Variants in TASP1 observed in about 807,000 individuals in gnomAD.
TASP1 encodes threonine aspartase 1.
A neutral mutation model predicts 56.6 loss-of-function variants in TASP1; 16 were observed. The observed-to-expected ratio is 0.28, with a 90% CI of 0.19 to 0.43. The LOEUF (loss-of-function observed/expected upper bound fraction) is 0.43. TASP1 is among the 20% of genes least tolerant of loss of function. The probability of loss-of-function intolerance (pLI) is 1.00; values close to 1 mark genes in which losing one functional copy is unlikely to be tolerated. For missense variants in TASP1, 393 were observed against 511.6 expected (o/e 0.77, Z 2.24); for synonymous variants, 179 against 184.2 (o/e 0.97, Z 0.23).
chr20:13,197,304 G>C, the TASP1 span, among the ~76,000 whole-genome samples: 2 of 152,156 alleles, frequency 1.3e-5, no homozygotes, highest in African/African-American at 4.8e-5. Context: ...CTGGTTATTA[G>C]GAAACTAATG....
At chr20:13,536,461 T>A (rs902004786) in intron 8 of TASP1, among the ~76,000 whole-genome samples, 2 of 152,236 alleles carry the variant, frequency 1.3e-5, no homozygotes, top group African/African-American at 4.8e-5. Flanking sequence ...ATCTATATTT[T>A]AAAATACTGA....
chr20:13,493,244 T>G (rs1431168463), intron 10 of TASP1, among the ~76,000 whole-genome samples: 7 of 152,140 alleles, frequency 4.6e-5, no homozygotes, highest in Non-Finnish European at 1.0e-4. Flanking sequence ...AGTGTGTAAT[T>G]GACAAAGCTT....
the TASP1 span, among the ~76,000 whole-genome samples, chr20:13,180,524 A>G: frequency 6.6e-6 from 1 of 152,162 alleles, no homozygotes; most frequent in East Asian, 1.9e-4. Flanking sequence ...GTCTCCTCTA[A>G]GTTCTCCCAA....
At chr20:13,611,270 C>T (rs1167924545) in intron 4 of TASP1, among the ~76,000 whole-genome samples, 1 of 152,150 alleles carries the variant, frequency 6.6e-6, no homozygotes, top group Admixed American at 6.5e-5. Flanking sequence ...ACTTTCAGTA[C>T]GTTCCTTCAT....
chr20:13,248,041 T>C, the TASP1 span, among the ~76,000 whole-genome samples: 3 of 152,164 alleles, frequency 2.0e-5, no homozygotes, highest in Admixed American at 2.0e-4. Context: ...GCAAACCTGA[T>C]TTTCCAAGTT....
At chr20:13,597,513 G>A (rs2047783266) in intron 4 of TASP1, among the ~76,000 whole-genome samples, 1 of 152,088 alleles carries the variant, frequency 6.6e-6, no homozygotes, top group Non-Finnish European at 1.5e-5. Flanking sequence ...AATAAACTAG[G>A]TACTGATGGA....
intron 6 of TASP1, among the ~76,000 whole-genome samples, chr20:13,570,339 T>C (rs1043970445): frequency 6.6e-6 from 1 of 152,136 alleles, no homozygotes; most frequent in Non-Finnish European, 1.5e-5. Context: ...TCTTCTTCCA[T>C]AGCCAACTTC....
intron 10 of TASP1, among the ~76,000 whole-genome samples, chr20:13,525,551 C>G (rs1295648346): frequency 6.6e-6 from 1 of 152,124 alleles, no homozygotes; most frequent in African/African-American, 2.4e-5. Flanking sequence ...CTATCCTAAC[C>G]ATAACTAACT....
intron 13 of TASP1, among the ~76,000 whole-genome samples, chr20:13,397,857 C>T (rs2041598723): frequency 1.3e-5 from 2 of 152,094 alleles, no homozygotes; most frequent in African/African-American, 4.8e-5. Flanking sequence ...CGGAGTTTTA[C>T]TACTGAGGGT....
chr20:13,514,055 C>T (rs1412404415), intron 10 of TASP1, among the ~76,000 whole-genome samples: 1 of 152,080 alleles, frequency 6.6e-6, no homozygotes, highest in Non-Finnish European at 1.5e-5. Context: ...CAAGAAAGAA[C>T]TCAGGTGAAA....
intron 11 of TASP1, among the ~76,000 whole-genome samples, chr20:13,445,785 AG>A (rs980379087): frequency 2.0e-5 from 3 of 152,190 alleles, no homozygotes; most frequent in African/African-American, 7.2e-5. Flanking sequence ...AAAGTAGAAG[AG>A]GGCAAAATAA....
the TASP1 span, among the ~76,000 whole-genome samples, chr20:13,188,279 T>A: frequency 9.9e-5 from 15 of 152,274 alleles, no homozygotes; most frequent in Admixed American, 9.8e-4. Context: ...GATGGCATGA[T>A]CTTATATTTA....
chr20:13,453,510 G>T (rs6033713), intron 11 of TASP1, among the ~76,000 whole-genome samples: 2,562 of 152,124 alleles, frequency 0.017, 72 homozygotes, highest in African/African-American at 0.056. Context: ...TGGAAGACTC[G>T]CATTGTAAAC....
the TASP1 span, among the ~76,000 whole-genome samples, chr20:13,106,261 C>G: frequency 8.4e-4 from 128 of 152,210 alleles, no homozygotes; most frequent in African/African-American, 2.9e-3. Context: ...AACATTGATG[C>G]AATTATTAGG....
chr20:13,377,135 G>A, the TASP1 span, among the ~76,000 whole-genome samples: 1 of 152,178 alleles, frequency 6.6e-6, no homozygotes, highest in Non-Finnish European at 1.5e-5. Flanking sequence ...GTGAGAGCGG[G>A]CATGCTTGTC....
At chr20:13,135,070 A>G in the TASP1 span, among the ~76,000 whole-genome samples, 22,620 of 152,262 alleles carry the variant, frequency 0.15, 1,754 homozygotes, top group East Asian at 0.2. Context: ...CATGGTCACA[A>G]CATTCATTTT....
At chr20:13,292,139 C>T in the TASP1 span, among the ~76,000 whole-genome samples, 2 of 152,180 alleles carry the variant, frequency 1.3e-5, no homozygotes, top group African/African-American at 4.8e-5. Context: ...GTTCCTAGGA[C>T]TTATTCAGGC....
intron 4 of TASP1, among the ~76,000 whole-genome samples, chr20:13,590,842 G>T (rs906397227): frequency 1.4e-4 from 21 of 151,790 alleles, no homozygotes; most frequent in African/African-American, 4.8e-4. Context: ...CTCCATCCTG[G>T]GTGACAGAGC....
At chr20:13,282,070 CACTCTGCTGCA>C in the TASP1 span, among the ~76,000 whole-genome samples, 1 of 152,192 alleles carries the variant, frequency 6.6e-6, no homozygotes, top group African/African-American at 2.4e-5. Flanking sequence ...GCCCTCCAGG[CACTCTGCTGCA>C]TTGCGCACCT....
Sources: gnomAD v4.1 joint callset for allele counts (sites outside exome capture counted in the v4.1 genomes callset) on GRCh38, gnomAD v4.1.1 for gene constraint, MANE v1.5 for transcripts, NCBI Gene and HGNC (gene_info 2026-07-23, HGNC 2026-07-21) for gene names.